The following EYS variants were observed in gnomAD, a reference collection of about 807,000 sequenced individuals.
EYS encodes EGF-like photoreceptor maintenance factor, also known as protein eyes shut homolog.
A neutral mutation model predicts 282.1 loss-of-function variants in EYS; 250 were observed. The ratio of observed to expected loss-of-function variants is 0.89; its 90% confidence interval spans 0.80 to 0.98. The LOEUF (loss-of-function observed/expected upper bound fraction) is 0.98. Among genes scored for constraint, EYS ranks in the 50% least tolerant of loss-of-function variants. EYS has a pLI of 0.00. For missense variants in EYS, 4,016 were observed against 3,709.0 expected, an observed-to-expected ratio of 1.08 and a Z score of -2.15; for synonymous variants, 1,355 against 1,282.9, an observed-to-expected ratio of 1.06 and a Z score of -1.20.
intron 5 of EYS, among the ~76,000 whole-genome samples, chr6:65,453,099 GAACAAATTTTC>G (rs985845243): frequency 6.6e-6 from 1 of 151,960 alleles, no homozygotes; most frequent in African/African-American, 2.4e-5. Context: ...TACCCTAAAA[GAACAAATTTTC>G]ACAGACATAT....
Position 63,752,294 on chromosome 6 carries a change from A to G in EYS, c.8071+10167T>C, listed in dbSNP as rs559376267. Among the ~76,000 whole-genome samples the G allele has an allele frequency of 2.4e-4, 37 of 152,228 alleles. No individual in the cohort carries two copies. In the South Asian group the frequency reaches 6.8e-3, roughly 28 times the overall value. On this transcript the variant is annotated intron_variant, in intron 41 of 42. Coordinates refer to ENST00000503581, the MANE Select transcript of EYS (RefSeq NM_001142800.2). ...TAATTTCTCCCTTAGATAATTCACT[A>G]TTATTCTAGTAACATGCCAGATCAT...
At chr6:65,320,933 T>A (rs1164468044) in intron 11 of EYS, among the ~76,000 whole-genome samples, 1 of 152,180 alleles carries the variant, frequency 6.6e-6, no homozygotes, top group Non-Finnish European at 1.5e-5. Context: ...TGGAGTTGGC[T>A]AAGGCAATCA....
At chr6:65,382,457 C>CTGTGTGTGTGTGTGTGTG (rs55949006) in intron 8 of EYS, among the ~76,000 whole-genome samples, 2 of 112,018 alleles carry the variant, frequency 1.8e-5, no homozygotes, top group African/African-American at 6.1e-5. Flanking sequence ...CTCCTTTCCT[C>CTGTGTGTGTGTGTGTGTG]TGTGTGTGTG....
At chr6:65,573,907 C>G (rs9351510) in intron 2 of EYS, among the ~76,000 whole-genome samples, 2 of 151,962 alleles carry the variant, frequency 1.3e-5, no homozygotes, top group African/African-American at 4.8e-5. Context: ...GCCTCTATGA[C>G]CCAGGCACTA....
intron 35 of EYS, among the ~76,000 whole-genome samples, chr6:63,880,148 C>G (rs1198937844): frequency 6.6e-6 from 1 of 152,094 alleles, no homozygotes; most frequent in African/African-American, 2.4e-5. Flanking sequence ...CTGCATGTGT[C>G]TGTGAGGGTG....
At chr6:64,938,917 A>G (rs1480731460) in intron 15 of EYS, among the ~76,000 whole-genome samples, 2 of 151,742 alleles carry the variant, frequency 1.3e-5, no homozygotes, top group Non-Finnish European at 3.0e-5. Context: ...GTCTTGGAAC[A>G]TATCTCCCTT....
rs1328331376 is a variant in EYS, at chr6:63,778,084, C to A, written c.7820G>T (p.Gly2607Val). The A allele has an allele frequency of 1.8e-5, 28 of 1,551,604 alleles. No homozygotes were observed. The Admixed American group carries it at 5.3e-4, about 29-fold the overall frequency. ...EGHPNAGRSV[G>V]QCHASPCSLM... Reference sequence around the variant, plus strand: ...ACTGCAGGGAGAAGCATGACACTGGCCAACACTGCGTCCAGCATTTGGGTG... The same window carrying A: ...ACTGCAGGGAGAAGCATGACACTGGACAACACTGCGTCCAGCATTTGGGTG... The change falls in exon 40 of 43, where the codon GGC becomes GTC. Residue 2607 changes from glycine to valine, a missense_variant. By Grantham distance (109) the Gly-to-Val change is moderately radical. Transcript: ENST00000503581.
chr6:64,184,796 TTTA>T (rs1226456195), intron 31 of EYS, among the ~76,000 whole-genome samples: 1 of 152,208 alleles, frequency 6.6e-6, no homozygotes, highest in African/African-American at 2.4e-5. Flanking sequence ...GAATAAGAAT[TTTA>T]TTTTTTGTTT....
At chr6:65,181,993 G>T (rs1251488483) in intron 12 of EYS, among the ~76,000 whole-genome samples, 1 of 151,910 alleles carries the variant, frequency 6.6e-6, no homozygotes, top group African/African-American at 2.4e-5. Context: ...TCACTCATAG[G>T]TGGGAATTGA....
intron 26 of EYS, among the ~76,000 whole-genome samples, chr6:64,535,599 G>A (rs917171153): frequency 6.6e-6 from 1 of 151,500 alleles, no homozygotes; most frequent in African/African-American, 2.4e-5. Flanking sequence ...AAATCAGCCA[G>A]TGTGGTGGTG....
chr6:64,236,340 T>C (rs1412752105), intron 30 of EYS, among the ~76,000 whole-genome samples: 2 of 152,222 alleles, frequency 1.3e-5, no homozygotes, highest in Non-Finnish European at 2.9e-5. Flanking sequence ...AGTTGAAAGA[T>C]GTGGGACTTT....
chr6:64,311,502 A>G (rs1013877788), intron 29 of EYS, among the ~76,000 whole-genome samples: 15 of 152,332 alleles, frequency 9.8e-5, no homozygotes, highest in African/African-American at 3.6e-4. Context: ...ATGGCAATGT[A>G]GTATGCCAAA....
intron 24 of EYS, among the ~76,000 whole-genome samples, chr6:64,594,955 C>T (rs1050800232): frequency 2.0e-5 from 3 of 151,930 alleles, no homozygotes; most frequent in African/African-American, 4.8e-5. Context: ...TTCTATGAGG[C>T]CAGCATTACC....
intron 26 of EYS, among the ~76,000 whole-genome samples, chr6:64,577,752 G>A (rs1312101889): frequency 6.6e-6 from 1 of 151,996 alleles, no homozygotes; most frequent in Non-Finnish European, 1.5e-5. Flanking sequence ...TTGTAATAAG[G>A]AATGTCATTA....
At chr6:63,976,415 A>T (rs2149787172) in intron 35 of EYS, among the ~76,000 whole-genome samples, 1 of 152,216 alleles carries the variant, frequency 6.6e-6, no homozygotes, top group South Asian at 2.1e-4. Flanking sequence ...TATGAAGTGC[A>T]TTAGCACTAT....
At chr6:64,358,547 C>T (rs1347842073) in intron 29 of EYS, among the ~76,000 whole-genome samples, 1 of 151,568 alleles carries the variant, frequency 6.6e-6, no homozygotes, top group African/African-American at 2.4e-5. Context: ...GGATGAAAAC[C>T]TTTCCCATCA....
intron 41 of EYS, among the ~76,000 whole-genome samples, chr6:63,736,424 C>G (rs576244758): frequency 4.8e-4 from 73 of 152,072 alleles, no homozygotes; most frequent in African/African-American, 1.6e-3. Flanking sequence ...TCTGAGGGCT[C>G]TGTTCTGTTC....
intron 12 of EYS, among the ~76,000 whole-genome samples, chr6:65,101,630 T>TCTCTAAATTAGA (rs1774894605): frequency 6.6e-6 from 1 of 151,314 alleles, no homozygotes; most frequent in Admixed American, 6.6e-5. Flanking sequence ...GTTTGTGAGT[T>TCTCTAAATTAGA]GATGAGAGAT....
intron 32 of EYS, among the ~76,000 whole-genome samples, chr6:64,078,785 G>C (rs570484494): frequency 1.3e-5 from 2 of 151,960 alleles, no homozygotes; most frequent in Admixed American, 6.6e-5. Context: ...TGATCCTATG[G>C]CACTATCATC....
Sources: allele counts gnomAD v4.1 joint callset (sites outside exome capture counted in the v4.1 genomes callset), GRCh38; gene constraint gnomAD v4.1.1; transcripts MANE v1.5; gene names NCBI Gene and HGNC (gene_info 2026-07-23, HGNC 2026-07-21).